DPP10: variants seen among roughly 807,000 people sequenced by gnomAD.
The protein encoded by DPP10 is dipeptidyl peptidase like 10, also known as inactive dipeptidyl peptidase 10.
Under a neutral mutation model 120.9 loss-of-function variants are expected in DPP10, and 33 were observed. That is an observed-to-expected ratio of 0.27 (90% CI 0.21 to 0.37). The LOEUF (loss-of-function observed/expected upper bound fraction) is 0.37, where lower values mean the gene tolerates loss of function less well. DPP10 is among the 10% of genes least tolerant of loss of function. The pLI is 1.00. For missense variants in DPP10, 816 were observed against 942.8 expected (o/e 0.87, Z 1.76); for synonymous variants, 337 against 326.1 (o/e 1.03, Z -0.36).
intron 5 of DPP10, among the ~76,000 whole-genome samples, chr2:115,659,348 A>G (rs1008127472): frequency 4.6e-5 from 7 of 151,806 alleles, no homozygotes; most frequent in Middle Eastern, 3.4e-3. Context: ...TTTCCTACCA[A>G]CCTCTCATGT....
chr2:114,739,915 T>C (rs932526657), intron 1 of DPP10, among the ~76,000 whole-genome samples: 1 of 152,162 alleles, frequency 6.6e-6, no homozygotes, highest in African/African-American at 2.4e-5. Context: ...ACCAGGTCAT[T>C]CATTCATCAT....
At chr2:115,339,983 A>G (rs1455789263) in intron 2 of DPP10, among the ~76,000 whole-genome samples, 1 of 152,200 alleles carries the variant, frequency 6.6e-6, no homozygotes, top group South Asian at 2.1e-4. Context: ...GAGTATATCA[A>G]TGTCAGTTTC....
At chr2:114,534,340 TTATC>T (rs1190173173) in intron 1 of DPP10, among the ~76,000 whole-genome samples, 1 of 152,160 alleles carries the variant, frequency 6.6e-6, no homozygotes, top group Non-Finnish European at 1.5e-5. Flanking sequence ...AGTGGCTTCT[TTATC>T]TTAGAGGCTT....
chr2:114,854,703 T>C (rs1689236560), intron 1 of DPP10, among the ~76,000 whole-genome samples: 1 of 152,202 alleles, frequency 6.6e-6, no homozygotes, highest in South Asian at 2.1e-4. Flanking sequence ...AGCTCCAGAA[T>C]ATTGCCATTG....
chr2:115,484,406 T>C (rs764680811), intron 3 of DPP10, among the ~76,000 whole-genome samples: 8 of 152,148 alleles, frequency 5.3e-5, no homozygotes, highest in Non-Finnish European at 1.2e-4. Context: ...AACCAACACA[T>C]AATCAATGCT....
At chr2:115,692,605 A>G (rs2091378111) in intron 7 of DPP10, among the ~76,000 whole-genome samples, 1 of 152,046 alleles carries the variant, frequency 6.6e-6, no homozygotes, top group Non-Finnish European at 1.5e-5. Flanking sequence ...TCCTTTAACT[A>G]GTTCTTTTAA....
chr2:115,817,543 C>T (rs574639819), intron 21 of DPP10, among the ~76,000 whole-genome samples: 1 of 152,308 alleles, frequency 6.6e-6, no homozygotes, highest in Non-Finnish European at 1.5e-5. Context: ...TGTATCATGC[C>T]TTTGCAGCAT....
In DPP10 at chr2:114,865,432, T is replaced by C. The variant is rs1310424479; in HGVS notation, c.60+422594T>C. On this transcript the variant is annotated intron_variant, in intron 1 of 25. Transcript: ENST00000410059. ...AAGTTGAGATAAATTCATAAATAAA[T>C]CTATTACAAAGCCTGACTGAAAACG... Among the ~76,000 whole-genome samples the C allele has an allele frequency of 2.0e-5, 3 of 152,166 alleles. No homozygotes were observed. The East Asian group carries it at 5.8e-4, about 29-fold the overall frequency.
At chr2:114,816,283 C>T (rs1685634544) in intron 1 of DPP10, among the ~76,000 whole-genome samples, 1 of 152,132 alleles carries the variant, frequency 6.6e-6, no homozygotes, top group Non-Finnish European at 1.5e-5. Context: ...ATCTTGGGGG[C>T]CATGAGGTTT....
At chr2:115,779,333 C>T (rs776670731) in intron 15 of DPP10, among the ~76,000 whole-genome samples, 7 of 152,070 alleles carry the variant, frequency 4.6e-5, no homozygotes, top group Non-Finnish European at 8.8e-5. Context: ...TCATCAAATG[C>T]CAGTTGGCTT....
At chr2:115,563,382 A>G (rs2080808749) in intron 5 of DPP10, among the ~76,000 whole-genome samples, 1 of 152,126 alleles carries the variant, frequency 6.6e-6, no homozygotes, top group Non-Finnish European at 1.5e-5. Flanking sequence ...TAAGGAAATG[A>G]TATTTTGTTT....
intron 5 of DPP10, among the ~76,000 whole-genome samples, chr2:115,569,454 TATTTA>T (rs1184091152): frequency 6.6e-6 from 1 of 152,244 alleles, no homozygotes; most frequent in Non-Finnish European, 1.5e-5. Context: ...AATTAATTTA[TATTTA>T]ATTTGTTATA....
intron 1 of DPP10, among the ~76,000 whole-genome samples, chr2:115,074,593 C>T (rs940754346): frequency 1.3e-5 from 2 of 152,144 alleles, no homozygotes; most frequent in Non-Finnish European, 1.5e-5. Context: ...TGATCAAGTG[C>T]TCCTACAGAA....
chr2:114,568,193 A>G (rs1203632647), intron 1 of DPP10, among the ~76,000 whole-genome samples: 5 of 152,046 alleles, frequency 3.3e-5, no homozygotes, highest in Admixed American at 6.6e-5. Context: ...ACACTATTTT[A>G]TATATTTATG....
rs71394115 is a variant in DPP10 at position 114,923,472 on chromosome 2, C to CTT, written c.61-385742_61-385741dup. 1.1e-3 allele frequency among the ~76,000 whole-genome samples: 74 copies of CTT among 69,410 alleles called. 1 individual carries two copies. The highest frequency in any genetic ancestry group is 1.6e-3 in the East Asian group (4 of 2,444). The allele number at this position is 69,410 out of a possible 152,430, so 45.5% of individuals were successfully genotyped here. On this transcript the variant is annotated intron_variant, in intron 1 of 25. Transcript: ENST00000410059. ...GAGCCACCACGCTTGGCCTTTTTTC[C>CTT]TTTTTTTTTTTTTTTTTTTTTTTTT...
At chr2:114,707,980 A>T (rs1407235783) in intron 1 of DPP10, among the ~76,000 whole-genome samples, 1 of 152,200 alleles carries the variant, frequency 6.6e-6, no homozygotes, top group Non-Finnish European at 1.5e-5. Context: ...CCCAGCTGCC[A>T]GAATTCTACA....
intron 1 of DPP10, among the ~76,000 whole-genome samples, chr2:115,127,657 A>G (rs1363797041): frequency 6.6e-6 from 1 of 152,266 alleles, no homozygotes; most frequent in African/African-American, 2.4e-5. Flanking sequence ...AACAAGGGAC[A>G]TTCCACATAT....
At chr2:115,336,045 A>G (rs775286317) in intron 2 of DPP10, among the ~76,000 whole-genome samples, 6 of 152,138 alleles carry the variant, frequency 3.9e-5, no homozygotes, top group African/African-American at 7.2e-5. Flanking sequence ...TCTGATATCA[A>G]GAATAAACTA....
intron 1 of DPP10, among the ~76,000 whole-genome samples, chr2:114,600,075 T>C (rs931283540): frequency 6.6e-6 from 1 of 151,620 alleles, no homozygotes; most frequent in Non-Finnish European, 1.5e-5. Context: ...TTTTCCCAGA[T>C]CAGATTTGGA....
Sources: allele counts gnomAD v4.1 joint callset (sites outside exome capture counted in the v4.1 genomes callset), GRCh38; gene constraint gnomAD v4.1.1; transcripts MANE v1.5; gene names NCBI Gene and HGNC (gene_info 2026-07-23, HGNC 2026-07-21).